The following SHB variants were observed in gnomAD, a reference collection of about 807,000 sequenced individuals.
SHB encodes the protein SH2 domain containing adaptor protein B.
A neutral mutation model predicts 52.3 loss-of-function variants in SHB; 20 were observed. That is an observed-to-expected ratio of 0.38 (90% CI 0.27 to 0.56). The LOEUF (loss-of-function observed/expected upper bound fraction) is 0.56, where lower values mean the gene tolerates loss of function less well. Ranked by LOEUF, SHB falls within the 20% of genes least tolerant of loss-of-function variation. SHB has a pLI of 0.71. For missense variants in SHB, 825 were observed against 723.3 expected, an observed-to-expected ratio of 1.14 and a Z score of -1.61; for synonymous variants, 397 against 316.5, an observed-to-expected ratio of 1.25 and a Z score of -2.70.
intron 1 of SHB, among the ~76,000 whole-genome samples, chr9:38,051,592 C>T (rs1821750770): frequency 6.6e-6 from 1 of 152,196 alleles, no homozygotes; most frequent in Non-Finnish European, 1.5e-5. Context: ...GCGTTCTCAG[C>T]TGTCCTGTGG....
rs1832519868 is a variant in SHB at position 37,948,463 on chromosome 9, C to T, written c.1346+172G>A. On this transcript the variant is annotated intron_variant, in intron 5 of 5. Coordinates refer to ENST00000377707, the MANE Select transcript of SHB (RefSeq NM_003028.3). ...AGGGCAGCAACAGTGAACATAAAAA[C>T]TCCTCTGTATCCCAGGAGAATAGGA... 2.6e-5 allele frequency among the ~76,000 whole-genome samples: 4 copies of T among 152,190 alleles called. No homozygotes were observed. The South Asian group carries it at 6.2e-4, about 24-fold the overall frequency.
intron 2 of SHB, among the ~76,000 whole-genome samples, chr9:38,001,874 G>C (rs377199449): frequency 6.6e-6 from 1 of 152,246 alleles, no homozygotes; most frequent in Non-Finnish European, 1.5e-5. Context: ...GAGATGAACA[G>C]GAGAGAAGAG....
At chr9:37,933,291 G>C (rs778967537) in intron 5 of SHB, among the ~76,000 whole-genome samples, 5 of 152,266 alleles carry the variant, frequency 3.3e-5, no homozygotes, top group South Asian at 4.1e-4. Context: ...TGAAAGCTAA[G>C]TAAAGAGCTC....
intron 5 of SHB, among the ~76,000 whole-genome samples, chr9:37,938,191 A>G (rs1046237627): frequency 6.6e-6 from 1 of 152,184 alleles, no homozygotes; most frequent in Non-Finnish European, 1.5e-5. Context: ...TTCCACTGCC[A>G]TTGCAAATCT....
At chr9:37,948,435 G>A (rs3827518) in intron 5 of SHB, among the ~76,000 whole-genome samples, 200 bp downstream of exon 5, 18,633 of 152,210 alleles carry the variant, frequency 0.12, 1,131 homozygotes, top group African/African-American at 0.15. Flanking sequence ...CTCATCTTCT[G>A]GAAGGGCAGC....
intron 3 of SHB, among the ~76,000 whole-genome samples, chr9:37,963,584 C>T (rs935102309): frequency 1.3e-5 from 2 of 152,122 alleles, no homozygotes; most frequent in Non-Finnish European, 2.9e-5. Context: ...GGTTCCTGCA[C>T]AGCACCAACA....
chr9:38,010,745 C>T (rs147054614), intron 2 of SHB, among the ~76,000 whole-genome samples: 11 of 152,108 alleles, frequency 7.2e-5, no homozygotes, highest in African/African-American at 2.4e-4. Flanking sequence ...AGGGCAGTGG[C>T]GGTATCTGCC....
In SHB at chr9:38,068,684, T is replaced by C. The variant is rs2118215435; in HGVS notation, c.-39A>G. On this transcript the variant is annotated 5_prime_UTR_variant, in exon 1 of 6. Transcript: ENST00000377707. ...CTAGGGCCGCGGCGCGGGAGCCCGG[T>C]CCGCCGCCGCGGCCATTCGGGGGGC... is the stretch of plus-strand genomic sequence containing the variant. 7.9e-7 allele frequency: 1 copy of C among 1,258,394 alleles called. No homozygotes were observed. Among genetic ancestry groups the C allele is most frequent in the Non-Finnish European group, 9.9e-7 (1 of 1,005,494 alleles). 78.0% of individuals were successfully genotyped at this position (1,258,394 alleles called of 1,614,324 possible).
chr9:38,014,822 T>A (rs145483152), intron 2 of SHB, among the ~76,000 whole-genome samples: 2 of 152,080 alleles, frequency 1.3e-5, no homozygotes, highest in Non-Finnish European at 2.9e-5. Context: ...CCTTCAACAA[T>A]CAACCTGCAC....
chr9:38,046,870 C>G (rs898151288), intron 1 of SHB, among the ~76,000 whole-genome samples: 2 of 152,254 alleles, frequency 1.3e-5, no homozygotes, highest in African/African-American at 4.8e-5. Context: ...CCACATTCCA[C>G]AGGAACCTGC....
intron 1 of SHB, among the ~76,000 whole-genome samples, chr9:38,034,283 T>C (rs1447279333): frequency 1.3e-5 from 2 of 152,224 alleles, no homozygotes; most frequent in Non-Finnish European, 2.9e-5. Flanking sequence ...GGACCTTTAC[T>C]AAAGTGATGC....
intron 5 of SHB, among the ~76,000 whole-genome samples, chr9:37,944,100 G>C (rs1200096668): frequency 6.6e-6 from 1 of 152,210 alleles, no homozygotes; most frequent in African/African-American, 2.4e-5. Flanking sequence ...GGGCAGCCAA[G>C]GGAGAGAGTT....
At chr9:38,048,619 G>A (rs1374845409) in intron 1 of SHB, among the ~76,000 whole-genome samples, 3 of 152,264 alleles carry the variant, frequency 2.0e-5, no homozygotes, top group Non-Finnish European at 2.9e-5. Context: ...GGGTGACATA[G>A]CAAGGCCCTG....
intron 2 of SHB, among the ~76,000 whole-genome samples, chr9:37,975,052 G>A (rs1326682269): frequency 2.0e-5 from 3 of 152,194 alleles, no homozygotes; most frequent in East Asian, 3.9e-4. Flanking sequence ...TCACATGCTC[G>A]CAGGCCTAAT....
chr9:38,062,117 G>A (rs917526655), intron 1 of SHB, among the ~76,000 whole-genome samples: 1 of 152,160 alleles, frequency 6.6e-6, no homozygotes, highest in Non-Finnish European at 1.5e-5. Flanking sequence ...AGGGGAGGAG[G>A]AGACATGTAA....
At chr9:38,027,469 T>C (rs1017372731) in intron 1 of SHB, among the ~76,000 whole-genome samples, 3 of 152,122 alleles carry the variant, frequency 2.0e-5, no homozygotes, top group Non-Finnish European at 4.4e-5. Flanking sequence ...CCACAGGCCA[T>C]GCCTTTTAGT....
intron 1 of SHB, among the ~76,000 whole-genome samples, chr9:38,066,135 T>C (rs1018965509): frequency 6.6e-6 from 1 of 152,172 alleles, no homozygotes; most frequent in Non-Finnish European, 1.5e-5. Flanking sequence ...TATCTGGTGA[T>C]GAAAAGAGTC....
intron 2 of SHB, among the ~76,000 whole-genome samples, chr9:37,988,428 T>G (rs1367091021): frequency 6.6e-6 from 1 of 152,170 alleles, no homozygotes; most frequent in Non-Finnish European, 1.5e-5. Flanking sequence ...GGCTTCTTCT[T>G]GTAACTTGCT....
rs1223157949 is a variant in SHB at position 38,068,876 on chromosome 9, A to AT, written c.-232dup. On this transcript the variant is annotated 5_prime_UTR_variant, in exon 1 of 6. The change creates a premature stop within an existing upstream ORF in the 5' untranslated region. Coordinates refer to ENST00000377707, the MANE Select transcript of SHB (RefSeq NM_003028.3). Reference sequence around the variant, plus strand: ...CCGCCTAGCGCCGCCCAAGCTAGGAATCTCGCGCCCCTCGTGGGCGCGTCT... The same window carrying AT: ...CCGCCTAGCGCCGCCCAAGCTAGGAATTCTCGCGCCCCTCGTGGGCGCGTCT... 2 of 153,426 alleles carry AT rather than the reference A, an allele frequency of 1.3e-5. No homozygotes were observed. The allele number at this position is 153,426 out of a possible 1,614,324, so 9.5% of individuals were successfully genotyped here. A position where few individuals can be genotyped will look rare whatever the true frequency, so the allele number is the denominator to read the frequency against.
Sources: gnomAD v4.1 joint callset for allele counts (sites outside exome capture counted in the v4.1 genomes callset) on GRCh38, gnomAD v4.1.1 for gene constraint, MANE v1.5 for transcripts, NCBI Gene and HGNC (gene_info 2026-07-23, HGNC 2026-07-21) for gene names.